Variants in CSMD2 observed in about 807,000 individuals in gnomAD.
CSMD2 encodes CUB and sushi domain-containing protein 2.
A neutral mutation model predicts 398.5 loss-of-function variants in CSMD2; 130 were observed. The ratio of observed to expected loss-of-function variants is 0.33; its 90% CI spans 0.28 to 0.38. The LOEUF is 0.38. CSMD2 is among the 10% of genes least tolerant of loss of function. CSMD2 has a pLI of 1.00. For missense variants in CSMD2, 3,829 were observed against 4,764.9 expected (o/e 0.80, Z 5.78); for synonymous variants, 1,828 against 1,908.5 (o/e 0.96, Z 1.10).
At chr1:33,855,638 T>G (rs1434874919) in intron 5 of CSMD2, among the ~76,000 whole-genome samples, 1 of 152,170 alleles carries the variant, frequency 6.6e-6, no homozygotes, top group Non-Finnish European at 1.5e-5. Context: ...AGGCTTTAGC[T>G]GGCTGTCCCC....
chr1:34,006,071 A>G (rs1423263303), intron 3 of CSMD2, among the ~76,000 whole-genome samples: 2 of 152,194 alleles, frequency 1.3e-5, no homozygotes, highest in Admixed American at 1.3e-4. Flanking sequence ...AATACAAGAC[A>G]AAGTCCATTT....
At chr1:33,997,688 T>G (rs1458581616) in intron 3 of CSMD2, among the ~76,000 whole-genome samples, 1 of 152,096 alleles carries the variant, frequency 6.6e-6, no homozygotes, top group Non-Finnish European at 1.5e-5. Context: ...CTTTTTTTTG[T>G]GTGCAGCTAA....
intron 48 of CSMD2, 115 bp downstream of exon 48, chr1:33,580,638 A>G (rs1638627312): frequency 9.1e-7 from 1 of 1,097,410 alleles, no homozygotes. Flanking sequence ...GGCAAAGACC[A>G]CTTAGCTTCA....
rs965824531 is a variant in CSMD2 at position 33,534,022 on chromosome 1, C to T, written c.9880-115G>A. On this transcript the variant is annotated intron_variant, in intron 62 of 70. Coordinates refer to ENST00000373381, the MANE Select transcript of CSMD2 (RefSeq NM_001281956.2). ...CTCCCGCACTGTTGCCTGCAAAACTCTTTTTCTGATTCTCCGCCTGGTTAA... is the reference window on the plus strand; with the variant it reads ...CTCCCGCACTGTTGCCTGCAAAACTTTTTTTCTGATTCTCCGCCTGGTTAA... 33 of 640,036 alleles carry T rather than the reference C, an allele frequency of 5.2e-5. 1 individual carries two copies. The Middle Eastern group carries it at 9.4e-4, about 18-fold the overall frequency. The allele number at this position is 640,036 out of a possible 1,614,324, so 39.6% of individuals were successfully genotyped here.
At chr1:33,683,205 T>A (rs1345543946) in intron 25 of CSMD2, among the ~76,000 whole-genome samples, 1 of 152,250 alleles carries the variant, frequency 6.6e-6, no homozygotes, top group Non-Finnish European at 1.5e-5. Flanking sequence ...ACTGTCTGTC[T>A]ATTTCAGAAT....
chr1:34,130,012 C>T (rs1470525243), intron 1 of CSMD2, among the ~76,000 whole-genome samples: 1 of 152,106 alleles, frequency 6.6e-6, no homozygotes, highest in Non-Finnish European at 1.5e-5. Flanking sequence ...CATGAGACTC[C>T]AGGCCCTGGG....
At chr1:33,998,101 T>G (rs956093247) in intron 3 of CSMD2, among the ~76,000 whole-genome samples, 4 of 152,146 alleles carry the variant, frequency 2.6e-5, no homozygotes, top group African/African-American at 7.2e-5. Flanking sequence ...CATGAATGGA[T>G]TAATCCATTC....
At chr1:34,060,320 T>C (rs191565416) in intron 2 of CSMD2, among the ~76,000 whole-genome samples, 1 of 152,352 alleles carries the variant, frequency 6.6e-6, no homozygotes, top group African/African-American at 2.4e-5. Context: ...TCAGTGGTTC[T>C]TTCTGGGTGC....
At chr1:34,045,668 T>C (rs1430002168) in intron 2 of CSMD2, among the ~76,000 whole-genome samples, 1 of 152,178 alleles carries the variant, frequency 6.6e-6, no homozygotes, top group Admixed American at 6.5e-5. Flanking sequence ...GTGGACTCTC[T>C]TTAGAAGCAA....
intron 47 of CSMD2, 43 bp downstream of exon 47, chr1:33,583,599 T>C (rs751538252): frequency 1.9e-6 from 3 of 1,584,002 alleles, no homozygotes; most frequent in East Asian, 2.2e-5. Flanking sequence ...AGCAAGTCCA[T>C]GTCTTCTGCA....
chr1:33,716,421 G>A lies in CSMD2; in HGVS notation c.3082C>T (p.Gln1028Ter). The A allele has an allele frequency of 1.2e-6, 2 of 1,614,092 alleles. No homozygotes were observed. The highest frequency in any genetic ancestry group is 1.7e-6 in the Non-Finnish European group (2 of 1,180,038). Residue 1028 changes from glutamine (Q) to a stop codon, truncating the protein, a stop_gained, in exon 20 of 71, where the codon CAG becomes TAG. Transcript: ENST00000373381. LOFTEE classifies it high-confidence loss of function. ...GATCCAGTTAGCTGCCTCAGGGGCT[G>A]GGTGAAGCTGCCGTTCTCAGTGATG... The part of the protein sequence containing the change: ...LLITENGSFT[Q>*]PLRQLTGSRL...
At chr1:33,895,505 G>C (rs1472124242) in intron 5 of CSMD2, among the ~76,000 whole-genome samples, 1 of 152,178 alleles carries the variant, frequency 6.6e-6, no homozygotes, top group East Asian at 1.9e-4. Flanking sequence ...TGGGAGGCTG[G>C]ACCTTATATT....
chr1:33,633,340 G>A lies in CSMD2; in HGVS notation c.5200+82C>T. 9.8e-7 allele frequency: 1 copy of A among 1,021,298 alleles called. No homozygotes were observed. Among genetic ancestry groups the A allele is most frequent in the Non-Finnish European group, 1.5e-6 (1 of 668,310 alleles). 63.3% of individuals were successfully genotyped at this position (1,021,298 alleles called of 1,614,324 possible). A position where few individuals can be genotyped will look rare whatever the true frequency, so the allele number is the denominator to read the frequency against. ...GTAGGGTTCCACCTGCGGCCATGGG[G>A]TGCTTCTAGAGCCTCCTTCCTTTAG... On this transcript the variant is annotated intron_variant, in intron 32 of 70. Transcript: ENST00000373381. The surrounding 1 kb of genome is among the most constrained non-coding windows in gnomAD (Gnocchi z 5.0).
At chr1:33,786,554 T>A (rs549702306) in intron 12 of CSMD2, among the ~76,000 whole-genome samples, 1 of 152,360 alleles carries the variant, frequency 6.6e-6, no homozygotes, top group East Asian at 1.9e-4. Flanking sequence ...ACTCACTAAT[T>A]GCTTTGCAAT....
chr1:33,917,949 G>A (rs1051431570), intron 5 of CSMD2, 145 bp downstream of exon 5: 1 of 612,792 alleles, frequency 1.6e-6, no homozygotes, highest in Admixed American at 3.1e-5. Flanking sequence ...TCATTAGGAT[G>A]AGATGAAAGG....
chr1:33,989,770 T>C (rs1276194914), intron 3 of CSMD2, among the ~76,000 whole-genome samples: 1 of 151,958 alleles, frequency 6.6e-6, no homozygotes, highest in African/African-American at 2.4e-5. Context: ...GATTTTGCTA[T>C]GTGAAACTCT....
At chr1:33,959,874 C>T (rs1487743002) in intron 3 of CSMD2, among the ~76,000 whole-genome samples, 1 of 152,160 alleles carries the variant, frequency 6.6e-6, no homozygotes, top group Non-Finnish European at 1.5e-5. Flanking sequence ...TTGGCTTGCC[C>T]CCTGGCTGTC....
In CSMD2 at chr1:33,553,734, G is replaced by A. The variant is rs181528052; in HGVS notation, c.8744-3384C>T. On this transcript the variant is annotated intron_variant, in intron 55 of 70. Coordinates refer to ENST00000373381, the MANE Select transcript of CSMD2 (RefSeq NM_001281956.2). ...GCAGGAAATTAGAAGGGCTGCTTCC[G>A]TGAATACATGAATAAGAAAATGAAA... Among the ~76,000 whole-genome samples, 4 of 152,260 alleles carry A rather than the reference G, an allele frequency of 2.6e-5. No individual in the cohort carries two copies. In the East Asian group the frequency reaches 5.8e-4, roughly 22 times the overall value.
At chr1:33,828,084 A>C (rs925205571) in intron 6 of CSMD2, among the ~76,000 whole-genome samples, 3 of 152,218 alleles carry the variant, frequency 2.0e-5, no homozygotes, top group Non-Finnish European at 4.4e-5. Flanking sequence ...GTCACTGTGT[A>C]ATCTGAATGC....
Sources: allele counts gnomAD v4.1 joint callset (sites outside exome capture counted in the v4.1 genomes callset), GRCh38; gene constraint gnomAD v4.1.1; non-coding constraint Gnocchi (gnomAD v3.1); transcripts MANE v1.5; gene names NCBI Gene and HGNC (gene_info 2026-07-23, HGNC 2026-07-21).